Variants in FGF12 observed in about 807,000 individuals in gnomAD.
The protein encoded by FGF12 is fibroblast growth factor 12, also known as fibroblast growth factor 12B.
Under a neutral mutation model 23.6 loss-of-function variants are expected in FGF12, and 14 were observed. That is an observed-to-expected ratio of 0.59 (90% CI 0.39 to 0.93). The LOEUF is 0.93. FGF12 is among the 40% of genes least tolerant of loss of function. The pLI is 0.00. For missense variants in FGF12, 175 were observed against 217.8 expected (o/e 0.80, Z 1.24); for synonymous variants, 62 against 77.3 (o/e 0.80, Z 1.04).
intron 2 of FGF12, among the ~76,000 whole-genome samples, chr3:192,557,293 C>A (rs1239905590): frequency 6.7e-6 from 1 of 148,650 alleles, no homozygotes; most frequent in African/African-American, 2.5e-5. Flanking sequence ...AATCAACAAA[C>A]CTTTAGCCAG....
chr3:192,158,332 CTCTT>C (rs375016082), intron 5 of FGF12, among the ~76,000 whole-genome samples: 11,259 of 112,096 alleles, frequency 0.1, 705 homozygotes, highest in Non-Finnish European at 0.13. Flanking sequence ...TTCTTTCTTT[CTCTT>C]TCTTTCTTTC....
chr3:192,701,522 A>C (rs1417811696), intron 2 of FGF12, among the ~76,000 whole-genome samples: 1 of 152,196 alleles, frequency 6.6e-6, no homozygotes, highest in African/African-American at 2.4e-5. Context: ...GAATTCATGT[A>C]AAAATATTGT....
intron 2 of FGF12, among the ~76,000 whole-genome samples, chr3:192,651,727 T>A (rs530897659): frequency 6.6e-6 from 1 of 152,198 alleles, no homozygotes; most frequent in African/African-American, 2.4e-5. Flanking sequence ...CATATTTATA[T>A]AGGATTTACA....
At chr3:192,627,504 T>C (rs1021119811) in intron 2 of FGF12, among the ~76,000 whole-genome samples, 1 of 152,154 alleles carries the variant, frequency 6.6e-6, no homozygotes, top group Non-Finnish European at 1.5e-5. Flanking sequence ...TATCAAATTA[T>C]TGTTAAAAGT....
chr3:192,180,435 G>A (rs1716107414), intron 4 of FGF12, among the ~76,000 whole-genome samples: 1 of 152,198 alleles, frequency 6.6e-6, no homozygotes, highest in Admixed American at 6.5e-5. Flanking sequence ...CTTACCAAGT[G>A]AACCTGTGCA....
At chr3:192,699,327 C>G (rs1577128560) in intron 2 of FGF12, among the ~76,000 whole-genome samples, 1 of 152,094 alleles carries the variant, frequency 6.6e-6, no homozygotes, top group South Asian at 2.1e-4. Context: ...TCTTCCCTTT[C>G]CTACACGATT....
chr3:192,494,528 A>G (rs1001167964), intron 2 of FGF12, among the ~76,000 whole-genome samples: 2 of 152,178 alleles, frequency 1.3e-5, no homozygotes, highest in Non-Finnish European at 2.9e-5. Flanking sequence ...CTTCTGAGTC[A>G]TGATTCCAAA....
intron 2 of FGF12, among the ~76,000 whole-genome samples, chr3:192,692,697 A>G (rs1354638018): frequency 6.6e-6 from 1 of 151,062 alleles, no homozygotes; most frequent in Non-Finnish European, 1.5e-5. Context: ...TGACAGAGTC[A>G]GCAGACCCTG....
chr3:192,403,145 G>A (rs1269030029), intron 2 of FGF12, among the ~76,000 whole-genome samples: 1 of 152,128 alleles, frequency 6.6e-6, no homozygotes, highest in East Asian at 1.9e-4. Context: ...CTCTCACCAA[G>A]AATAAAAGCA....
intron 2 of FGF12, among the ~76,000 whole-genome samples, chr3:192,394,837 A>T (rs574191838): frequency 6.6e-6 from 1 of 152,368 alleles, no homozygotes; most frequent in South Asian, 2.1e-4. Flanking sequence ...TTTAAAAGTA[A>T]GAGAAAAGAA....
intron 4 of FGF12, among the ~76,000 whole-genome samples, chr3:192,309,108 C>A (rs1195257446): frequency 6.6e-6 from 1 of 152,040 alleles, no homozygotes; most frequent in South Asian, 2.1e-4. Flanking sequence ...AATTTTAAAG[C>A]AAAGATGTAA....
At chr3:192,354,561 T>C (rs983159395) in intron 3 of FGF12, among the ~76,000 whole-genome samples, 1 of 152,056 alleles carries the variant, frequency 6.6e-6, no homozygotes, top group Admixed American at 6.6e-5. Context: ...AAAAGACATT[T>C]CATAGAATCA....
chr3:192,458,801 G>T (rs544796662), intron 2 of FGF12, among the ~76,000 whole-genome samples: 23 of 152,230 alleles, frequency 1.5e-4, no homozygotes, highest in African/African-American at 5.5e-4. Flanking sequence ...GGGGCCAGGG[G>T]TGGAATGATA....
At chr3:192,158,419 TTC>T (rs200357445) in intron 5 of FGF12, among the ~76,000 whole-genome samples, 7,383 of 14,824 alleles carry the variant, frequency 0.5, 495 homozygotes, top group Middle Eastern at 0.55. Flanking sequence ...TTCTTTCTCT[TTC>T]TTTTTCTTTT....
At position 192,264,783 on chromosome 3, in the gene FGF12, A is replaced by T. The variant is rs188514981; in HGVS notation, c.228+70578T>A. Among the ~76,000 whole-genome samples the T allele has an allele frequency of 8.5e-5, 13 of 152,210 alleles. No individual in the cohort carries two copies. In the East Asian group the frequency reaches 2.5e-3, roughly 29 times the overall value. On this transcript the variant is annotated intron_variant, in intron 4 of 5. Coordinates refer to ENST00000445105, the MANE Select transcript of FGF12 (RefSeq NM_004113.6). ...ATCAAGACTCTACTTCTCAACCAACAAGAGTGGAATTCCAGAAGTCTAGCC... is the reference window on the plus strand; with the variant it reads ...ATCAAGACTCTACTTCTCAACCAACTAGAGTGGAATTCCAGAAGTCTAGCC...
intron 2 of FGF12, among the ~76,000 whole-genome samples, chr3:192,684,401 T>C (rs1425755362): frequency 1.3e-5 from 2 of 152,144 alleles, no homozygotes; most frequent in Non-Finnish European, 2.9e-5. Context: ...AACATGCCAA[T>C]CAAGACCAAC....
Position 192,409,577 on chromosome 3 carries a change from A to G in FGF12, c.14-49039T>C, listed in dbSNP as rs903020093. On this transcript the variant is annotated intron_variant, in intron 2 of 5. Coordinates refer to ENST00000445105, the MANE Select transcript of FGF12 (RefSeq NM_004113.6). This position sits in a 1 kb window ranked among gnomAD's most constrained non-coding sequence, Gnocchi z 4.8. ...CCGATCACTCAGTCCCGCGCCGCCC[A>G]TCCCGGCCGAGGAAGGAAGTGACCC... 1.3e-5 allele frequency among the ~76,000 whole-genome samples: 2 copies of G among 151,480 alleles called. No homozygotes were observed. Among genetic ancestry groups the G allele is most frequent in the Non-Finnish European group, 2.9e-5 (2 of 67,844 alleles).
intron 2 of FGF12, among the ~76,000 whole-genome samples, chr3:192,483,748 G>A (rs926049016): frequency 2.6e-5 from 4 of 151,954 alleles, no homozygotes; most frequent in African/African-American, 7.3e-5. Context: ...GTGGAAAGGC[G>A]TTCCAGCTAG....
chr3:192,332,185 A>G (rs1717159328), intron 4 of FGF12, among the ~76,000 whole-genome samples: 1 of 152,256 alleles, frequency 6.6e-6, no homozygotes, highest in Admixed American at 6.5e-5. Context: ...AAAGGTTGTG[A>G]TATTTACTAG....
Sources: gnomAD v4.1 joint callset for allele counts (sites outside exome capture counted in the v4.1 genomes callset) on GRCh38, gnomAD v4.1.1 for gene constraint, Gnocchi (gnomAD v3.1) non-coding constraint, MANE v1.5 for transcripts, NCBI Gene and HGNC (gene_info 2026-07-23, HGNC 2026-07-21) for gene names.